Variants in STK3 observed in about 807,000 individuals in gnomAD.
STK3 encodes serine/threonine-protein kinase 3.
Under a neutral mutation model 58.0 loss-of-function variants are expected in STK3, and 41 were observed. The observed-to-expected ratio is 0.71, with a 90% CI of 0.55 to 0.92. The LOEUF is 0.92. STK3 is among the 40% of genes least tolerant of loss of function. The pLI is 0.00. For synonymous variants in STK3, 170 were observed against 191.0 expected (o/e 0.89, Z 0.91); for missense variants, 479 against 602.7 (o/e 0.79, Z 2.15).
At chr8:98,395,755 G>A (rs548412569) in intron 3 of STK3, among the ~76,000 whole-genome samples, 5 of 152,260 alleles carry the variant, frequency 3.3e-5, no homozygotes, top group African/African-American at 1.2e-4. Context: ...ACTGGGGAAG[G>A]ATTACAAACA....
At chr8:98,662,804 T>G (rs929598886) in intron 6 of STK3, among the ~76,000 whole-genome samples, 2 of 152,038 alleles carry the variant, frequency 1.3e-5, no homozygotes, top group African/African-American at 4.8e-5. Flanking sequence ...TAGGTATATC[T>G]CCTAATGCTA....
chr8:98,398,805 TC>T (rs1429554066), downstream of STK3, among the ~76,000 whole-genome samples: 1 of 152,228 alleles, frequency 6.6e-6, no homozygotes, highest in Non-Finnish European at 1.5e-5. Flanking sequence ...TTCTTCCAGA[TC>T]CACACCGCCT....
intron 6 of STK3, chr8:98,651,718 A>G (rs1479416983): frequency 6.6e-6 from 1 of 152,246 alleles, no homozygotes; most frequent in Non-Finnish European, 1.5e-5. Context: ...AGCTGATGTG[A>G]TCAACTGGAA....
At chr8:98,500,660 T>C (rs1040924360) in intron 10 of STK3, among the ~76,000 whole-genome samples, 1 of 152,184 alleles carries the variant, frequency 6.6e-6, no homozygotes, top group Non-Finnish European at 1.5e-5. Flanking sequence ...CATGTGGTGT[T>C]TGATTTTCCG....
chr8:98,728,168 G>A (rs1332099587), intron 4 of STK3, among the ~76,000 whole-genome samples: 2 of 152,126 alleles, frequency 1.3e-5, no homozygotes, highest in Non-Finnish European at 2.9e-5. Context: ...CAGCACAGCT[G>A]TTCAGTTAAC....
intron 1 of STK3, among the ~76,000 whole-genome samples, chr8:98,796,977 T>A (rs1482908239): frequency 6.6e-6 from 1 of 152,222 alleles, no homozygotes; most frequent in Non-Finnish European, 1.5e-5. Flanking sequence ...TAGTGAGCAC[T>A]GGCTTCAACT....
rs200317815 is a variant in STK3 at position 98,654,774 on chromosome 8, A to C, written c.684+51693T>G. 4.2e-3 allele frequency among the ~76,000 whole-genome samples: 635 copies of C among 152,192 alleles called. 3 individuals are homozygous for C. The highest frequency in any genetic ancestry group is 0.015 in the African/African-American group (610 of 41,494). On this transcript the variant is annotated intron_variant, in intron 6 of 10. Transcript: ENST00000419617. ...ATAAAATACCTAGGAATCCAAATTAAAAGGGACGTGAAGGACCTCTTCAAG... is the reference window on the plus strand; with the variant it reads ...ATAAAATACCTAGGAATCCAAATTACAAGGGACGTGAAGGACCTCTTCAAG...
At chr8:98,802,469 A>C (rs1833617127) in intron 1 of STK3, among the ~76,000 whole-genome samples, 1 of 152,178 alleles carries the variant, frequency 6.6e-6, no homozygotes, top group Non-Finnish European at 1.5e-5. Context: ...TATATAGGGG[A>C]ATATATTATG....
intron 6 of STK3, chr8:98,598,896 G>T (rs1816068285): frequency 1.0e-6 from 1 of 985,392 alleles, no homozygotes; most frequent in African/African-American, 1.7e-5. Flanking sequence ...AATAACGCAA[G>T]AAATCTAGGT....
chr8:98,525,032 A>G (rs1825645311), intron 10 of STK3, among the ~76,000 whole-genome samples: 1 of 152,208 alleles, frequency 6.6e-6, no homozygotes. Context: ...ATTACTTTGT[A>G]GCTCATTTCA....
chr8:98,858,349 G>GAGAGAGAGAC (rs1836783376), intron 3 of STK3, among the ~76,000 whole-genome samples: 1 of 136,762 alleles, frequency 7.3e-6, no homozygotes, highest in African/African-American at 2.7e-5. Context: ...GAGAGAGAGA[G>GAGAGAGAGAC]AGAGAGAGAG....
chr8:98,526,736 A>T lies in STK3; in HGVS notation c.1317+6T>A, dbSNP rs1825767541. On this transcript the variant is annotated splice_donor_region_variant and intron_variant, in intron 10 of 10. Transcript: ENST00000419617. ...AACATAAATTGAAGAATTAAAATGTACTTACAAAGTCAAAGTCTCCATCTT... is the reference window on the plus strand; with the variant it reads ...AACATAAATTGAAGAATTAAAATGTTCTTACAAAGTCAAAGTCTCCATCTT... 4.5e-6 allele frequency: 7 copies of T among 1,543,792 alleles called. No homozygotes were observed. In the South Asian group the frequency reaches 8.8e-5, roughly 19 times the overall value.
chr8:98,914,492 A>ACTCT (rs201799011), intron 1 of STK3, among the ~76,000 whole-genome samples: 6,719 of 136,272 alleles, frequency 0.049, 231 homozygotes, highest in Non-Finnish European at 0.068. Flanking sequence ...ACACACACAC[A>ACTCT]CTCTCTCTCT....
chr8:98,478,328 G>A (rs1186981847), intron 10 of STK3, among the ~76,000 whole-genome samples: 1 of 152,196 alleles, frequency 6.6e-6, no homozygotes, highest in Non-Finnish European at 1.5e-5. Flanking sequence ...AGATTTGGGG[G>A]TGGGGTGGAA....
intron 6 of STK3, among the ~76,000 whole-genome samples, chr8:98,601,232 A>C (rs927211882): frequency 1.3e-5 from 2 of 152,114 alleles, no homozygotes; most frequent in African/African-American, 4.8e-5. Flanking sequence ...CGCAATTGCA[A>C]AAGCTTCATT....
intron 4 of STK3, among the ~76,000 whole-genome samples, chr8:98,712,537 A>G (rs1226065274): frequency 6.6e-6 from 1 of 151,446 alleles, no homozygotes; most frequent in East Asian, 1.9e-4. Flanking sequence ...GAGACAAAGA[A>G]GGCCATTACA....
chr8:98,885,279 A>T (rs1430907942), intron 1 of STK3, among the ~76,000 whole-genome samples: 1 of 152,216 alleles, frequency 6.6e-6, no homozygotes, highest in Non-Finnish European at 1.5e-5. Flanking sequence ...TTTATGTTTC[A>T]TGGTGAGTAA....
At chr8:98,499,951 A>G (rs558777388) in intron 10 of STK3, among the ~76,000 whole-genome samples, 1 of 152,300 alleles carries the variant, frequency 6.6e-6, no homozygotes, top group East Asian at 1.9e-4. Context: ...CTTGGAGACA[A>G]GAGGGCAGAC....
At chr8:98,452,906 G>A (rs181008035), downstream of STK3, among the ~76,000 whole-genome samples, 1,037 of 147,258 alleles carry the variant, frequency 7.0e-3, 43 homozygotes, top group African/African-American at 0.025. Flanking sequence ...GATTACAGGC[G>A]CCTGCTACCA....
Sources: gnomAD v4.1 joint callset for allele counts (sites outside exome capture counted in the v4.1 genomes callset) on GRCh38, gnomAD v4.1.1 for gene constraint, MANE v1.5 for transcripts, NCBI Gene and HGNC (gene_info 2026-07-23, HGNC 2026-07-21) for gene names.